SDK2: variants seen among roughly 807,000 people sequenced by gnomAD.
SDK2 encodes the protein protein sidekick-2.
Under a neutral mutation model 253.9 loss-of-function variants are expected in SDK2, and 105 were observed. The observed-to-expected ratio is 0.41, with a 90% CI of 0.35 to 0.49. The LOEUF is 0.49. Ranked by LOEUF, SDK2 falls within the 20% of genes least tolerant of loss-of-function variation. The pLI is 0.06. For synonymous variants in SDK2, 1,249 were observed against 1,234.9 expected (o/e 1.01, Z -0.24); for missense variants, 2,608 against 3,003.0 (o/e 0.87, Z 3.07).
Position 73,361,566 on chromosome 17 carries a change from A to T in SDK2, c.5467+118T>A. The T allele has an allele frequency of 2.0e-6, 2 of 993,082 alleles. No individual in the cohort carries two copies. The highest frequency in any genetic ancestry group is 5.1e-5 in the Admixed American group (2 of 39,586). 61.5% of individuals were successfully genotyped at this position (993,082 alleles called of 1,614,324 possible). ...TCACTGGGCACCAGGGGAAAGAGTG[A>T]GCTCTGTCCTCCACTCTGTTTCCAG... On this transcript the variant is annotated intron_variant, in intron 39 of 44. Transcript: ENST00000392650. This position sits in a 1 kb window ranked among gnomAD's most constrained non-coding sequence, Gnocchi z 4.1.
chr17:73,436,126 C>A (rs2063366296), intron 8 of SDK2, among the ~76,000 whole-genome samples: 1 of 152,100 alleles, frequency 6.6e-6, no homozygotes, highest in Non-Finnish European at 1.5e-5. Flanking sequence ...GTGGGGGATG[C>A]TTTCCCAAAC....
At position 73,361,399 on chromosome 17, in the gene SDK2, G is replaced by A. The variant is rs2062638745; in HGVS notation, c.5467+285C>T. ...AATTAGCAGGGAGAGAAAGAACGAA[G>A]CAGGCGCAGTGGCCAGGCCAGGCCT... On this transcript the variant is annotated intron_variant, in intron 39 of 44. Transcript: ENST00000392650. This position sits in a 1 kb window ranked among gnomAD's most constrained non-coding sequence, Gnocchi z 4.1. Among the ~76,000 whole-genome samples the A allele has an allele frequency of 6.6e-6, 1 of 152,236 alleles. No individual in the cohort carries two copies. Among genetic ancestry groups the A allele is most frequent in the Admixed American group, 6.5e-5 (1 of 15,286 alleles).
Position 73,472,238 on chromosome 17 carries a change from G to C in SDK2, c.225-20C>G, listed in dbSNP as rs552211882. ...ATGTATCTATGGGACAGACGAGACA[G>C]CCAGTGAGCAAGTCAGGCAGCTGCA... On this transcript the variant is annotated intron_variant, in intron 2 of 44. Transcript: ENST00000392650. 6.5e-7 allele frequency: 1 copy of C among 1,536,072 alleles called. No homozygotes were observed. Among genetic ancestry groups the C allele is most frequent in the African/African-American group, 1.4e-5 (1 of 72,848 alleles).
chr17:73,366,976 C>T (rs2062690457), intron 37 of SDK2, among the ~76,000 whole-genome samples: 1 of 152,154 alleles, frequency 6.6e-6, no homozygotes, highest in African/African-American at 2.4e-5. Flanking sequence ...ACTGCTCAAG[C>T]CCTCCCATGG....
chr17:73,563,817 G>A (rs1240093652), intron 1 of SDK2, among the ~76,000 whole-genome samples: 1 of 151,538 alleles, frequency 6.6e-6, no homozygotes, highest in Non-Finnish European at 1.5e-5. Flanking sequence ...CTGTCATCCA[G>A]GCTGGAGTGC....
rs2062383858 is a variant in SDK2, at chr17:73,336,914, G to A, written c.*1673C>T. On this transcript the variant is annotated 3_prime_UTR_variant, in exon 45 of 45. Coordinates refer to ENST00000392650, the MANE Select transcript of SDK2 (RefSeq NM_001144952.2). ...ACAGGGCTGGCTGAGGGCACAGAGG[G>A]CCTTGGACAATGTATGGAGTTAGAT... The A allele has an allele frequency of 6.8e-6, 1 of 147,624 alleles. No individual in the cohort carries two copies. The allele number at this position is 147,624 out of a possible 1,614,324, so 9.1% of individuals were successfully genotyped here. A position where few individuals can be genotyped will look rare whatever the true frequency, so the allele number is the denominator to read the frequency against.
At position 73,380,911 on chromosome 17, in the gene SDK2, G is replaced by T. The variant is rs769720071; in HGVS notation, c.4745C>A (p.Thr1582Lys). The T allele has an allele frequency of 3.2e-5, 49 of 1,554,494 alleles. No individual in the cohort carries two copies. The highest frequency in any genetic ancestry group is 3.9e-5 in the Non-Finnish European group (45 of 1,148,362). Residue 1582 changes from threonine (T) to lysine (K), a missense_variant, in exon 34 of 45, where the codon ACG becomes AAG. Thr to Lys is a moderately conservative substitution (Grantham distance 78). Transcript: ENST00000392650. The stretch of plus-strand genomic sequence containing the variant: ...AGACTTACTGTCCAGCTCGTACTGC[G>T]TGAGGCTGGGCCGGCTCAGGTTCCG... ...SMRNLSRPSL[T>K]QYELDNLNKH...
rs1483800628 is a variant in SDK2 at position 73,433,756 on chromosome 17, G to C, written c.1288C>G (p.Arg430Gly). Residue 430 changes from arginine (R) to glycine (G), a missense_variant, in exon 10 of 45, where the codon CGA becomes GGA. Around this residue, in one of 2 missense-constraint regions of SDK2, gnomAD observed 1,505 missense variants for 1,859.1 expected, o/e 0.81. Coordinates refer to ENST00000392650, the MANE Select transcript of SDK2 (RefSeq NM_001144952.2). The stretch of plus-strand genomic sequence containing the variant: ...CCTTTCTGCCAAGTGATAGCTGGTC[G>C]GGGCGCCCCCGAGGTCTCACATGCT... Reference protein sequence around the residue: ...VLACETSGAPRPAITWQKGER... With the variant: ...VLACETSGAPGPAITWQKGER... 2 of 1,607,764 alleles carry C rather than the reference G, an allele frequency of 1.2e-6. No individual in the cohort carries two copies. The highest frequency in any genetic ancestry group is 1.7e-5 in the Admixed American group (1 of 59,308).
intron 1 of SDK2, among the ~76,000 whole-genome samples, chr17:73,606,616 T>C (rs2045911145): frequency 6.6e-6 from 1 of 151,902 alleles, no homozygotes; most frequent in Non-Finnish European, 1.5e-5. Flanking sequence ...AAACGTGCTG[T>C]GGCTGGTGAA....
Position 73,399,271 on chromosome 17 carries a change from G to T in SDK2, c.2990C>A (p.Thr997Asn). The change falls in exon 22 of 45, where the codon ACC (threonine) becomes AAC (asparagine). Residue 997 changes from threonine to asparagine, a missense_variant. Transcript: ENST00000392650. ...GVPPELPGPP[T>N]NLGISNIGPR... ...GCCGATGTTGGAAATGCCCAGGTTG[G>T]TGGGGGGCCCTGGGAGTTCTGGAAA... 1 of 1,613,738 alleles carries T rather than the reference G, an allele frequency of 6.2e-7. No individual in the cohort carries two copies.
chr17:73,496,211 T>G lies in SDK2; in HGVS notation c.224+11227A>C, dbSNP rs2063840694. Among the ~76,000 whole-genome samples the G allele has an allele frequency of 6.6e-6, 1 of 152,194 alleles. No individual in the cohort carries two copies. Among genetic ancestry groups the G allele is most frequent in the Non-Finnish European group, 1.5e-5 (1 of 68,032 alleles). ...AGCCATCTGTGACCAGACACTCTTC[T>G]GCACGCTTCATCTTGCATGACATTC... On this transcript the variant is annotated intron_variant, in intron 2 of 44. Coordinates refer to ENST00000392650, the MANE Select transcript of SDK2 (RefSeq NM_001144952.2). This position sits in a 1 kb window ranked among gnomAD's most constrained non-coding sequence, Gnocchi z 4.7.
chr17:73,359,708 C>T (rs1224418023), intron 39 of SDK2, among the ~76,000 whole-genome samples: 2 of 152,162 alleles, frequency 1.3e-5, no homozygotes, highest in African/African-American at 4.8e-5. Flanking sequence ...TGCAGGGGCA[C>T]GATCACAGCT....
intron 44 of SDK2, among the ~76,000 whole-genome samples, chr17:73,345,859 A>G (rs2062478400): frequency 6.6e-6 from 1 of 152,170 alleles, no homozygotes; most frequent in African/African-American, 2.4e-5. Context: ...GCTTCTACTG[A>G]ACACTTCATA....
At chr17:73,608,091 C>T (rs962605907) in intron 1 of SDK2, among the ~76,000 whole-genome samples, 16 of 152,076 alleles carry the variant, frequency 1.1e-4, no homozygotes, top group Non-Finnish European at 1.9e-4. Context: ...TTTCTGTTCC[C>T]GGATCCCATC....
At chr17:73,597,551 C>T (rs967692533) in intron 1 of SDK2, among the ~76,000 whole-genome samples, 24 of 152,152 alleles carry the variant, frequency 1.6e-4, no homozygotes, top group Middle Eastern at 3.2e-3. Flanking sequence ...GCTCATGGAA[C>T]GACAGGCTTC....
In SDK2 at chr17:73,388,055, G is replaced by A; in HGVS notation, c.4193-18C>T. 1.9e-6 allele frequency: 3 copies of A among 1,551,542 alleles called. No homozygotes were observed. In the South Asian group the frequency reaches 3.6e-5, roughly 18 times the overall value. On this transcript the variant is annotated intron_variant, in intron 29 of 44. Transcript: ENST00000392650. Reference sequence around the variant, plus strand: ...CGGACGGTCTGGGAGGTGGCAGAGGGGGAGGAGCAGGTGAGTGGGCCAGGC... The same window carrying A: ...CGGACGGTCTGGGAGGTGGCAGAGGAGGAGGAGCAGGTGAGTGGGCCAGGC...
At chr17:73,454,343 A>G (rs2063508227) in intron 4 of SDK2, among the ~76,000 whole-genome samples, 1 of 152,244 alleles carries the variant, frequency 6.6e-6, no homozygotes, top group Non-Finnish European at 1.5e-5. Context: ...GGCACTTTTC[A>G]CATAATACAA....
rs1452312229 is a variant in SDK2, at chr17:73,467,197, C to T, written c.331+4915G>A. Among the ~76,000 whole-genome samples the T allele has an allele frequency of 2.0e-5, 3 of 152,048 alleles. No homozygotes were observed. Among genetic ancestry groups the T allele is most frequent in the African/African-American group, 7.2e-5 (3 of 41,394 alleles). ...ATGGATTATTACAGCCCAGGGCTGT[C>T]CCTGATTCTGTCTGAACTCTGACCC... On this transcript the variant is annotated intron_variant, in intron 3 of 44. Transcript: ENST00000392650. This position sits in a 1 kb window ranked among gnomAD's most constrained non-coding sequence, Gnocchi z 4.1.
rs143480501 is a variant in SDK2 at position 73,560,738 on chromosome 17, C to A, written c.65-53141G>T. Among the ~76,000 whole-genome samples, 164 of 152,330 alleles carry A rather than the reference C, an allele frequency of 1.1e-3. 1 individual carries two copies. Among genetic ancestry groups the A allele is most frequent in the African/African-American group, 3.7e-3 (153 of 41,578 alleles). On this transcript the variant is annotated intron_variant, in intron 1 of 44. Coordinates refer to ENST00000392650, the MANE Select transcript of SDK2 (RefSeq NM_001144952.2). ...AATACAGAACTTCAAAATCCAAGCA[C>A]CCGCATGTTGGTGGGGAGTCCTGGG...
Sources: allele counts gnomAD v4.1 joint callset (sites outside exome capture counted in the v4.1 genomes callset), GRCh38; gene constraint gnomAD v4.1.1; regional missense constraint gnomAD v4.1.1; non-coding constraint Gnocchi (gnomAD v3.1); transcripts MANE v1.5; gene names NCBI Gene and HGNC (gene_info 2026-07-23, HGNC 2026-07-21).